The following ARID2 variants were observed in gnomAD, a reference collection of about 807,000 sequenced individuals.
The protein encoded by ARID2 is AT-rich interaction domain 2.
A neutral mutation model predicts 184.6 loss-of-function variants in ARID2; 32 were observed. That is an observed-to-expected ratio of 0.17 (90% confidence interval 0.13 to 0.23). The LOEUF (loss-of-function observed/expected upper bound fraction) is 0.23. ARID2 is among the 10% of genes least tolerant of loss of function. The probability of loss-of-function intolerance (pLI) is 1.00; values close to 1 mark genes in which losing one functional copy is unlikely to be tolerated. For synonymous variants in ARID2, 836 were observed against 772.6 expected, an observed-to-expected ratio of 1.08 and a Z score of -1.36; for missense variants, 1,696 against 2,197.6, an observed-to-expected ratio of 0.77 and a Z score of 4.56.
intron 3 of ARID2, among the ~76,000 whole-genome samples, chr12:45,806,770 A>G (rs1176785410): frequency 6.6e-6 from 1 of 152,158 alleles, no homozygotes; most frequent in East Asian, 1.9e-4. Flanking sequence ...AAGTTATCAC[A>G]TCAGTGTAGG....
intron 15 of ARID2, among the ~76,000 whole-genome samples, chr12:45,855,220 T>C (rs1276500746): frequency 6.6e-6 from 1 of 152,226 alleles, no homozygotes; most frequent in East Asian, 1.9e-4. Context: ...AATGCTAAAA[T>C]GCTTTACTTA....
At chr12:45,746,048 T>C (rs1401361004) in intron 3 of ARID2, among the ~76,000 whole-genome samples, 3 of 152,110 alleles carry the variant, frequency 2.0e-5, no homozygotes, top group Non-Finnish European at 4.4e-5. Context: ...ACATAATTTT[T>C]TAGATGGAGA....
chr12:45,776,834 G>A (rs977489419), intron 3 of ARID2, among the ~76,000 whole-genome samples: 2 of 146,964 alleles, frequency 1.4e-5, no homozygotes, highest in Admixed American at 6.9e-5. Context: ...CCAGGCTAGA[G>A]TACAGCGCCG....
rs773074119 is a variant in ARID2, at chr12:45,836,654, T to C, written c.771T>C (p.His257=). Residue 257 remains histidine (H), a splice_region_variant and synonymous_variant, in exon 7 of 21, where the codon CAT becomes CAC. Transcript: ENST00000334344. The stretch of plus-strand genomic sequence containing the variant: ...TCATTTCTGACAGAAACAAGTCTCA[T>C]GGTAAGTTAGTGAAAGCAAAATTTT... ...RDLISDRNKS[H]EGTSGEWIWE... The C allele has an allele frequency of 3.3e-5, 53 of 1,608,048 alleles. No homozygotes were observed. The highest frequency in any genetic ancestry group is 4.2e-5 in the Non-Finnish European group (49 of 1,178,112).
intron 3 of ARID2, among the ~76,000 whole-genome samples, chr12:45,767,831 A>G (rs187342788): frequency 6.6e-6 from 1 of 152,364 alleles, no homozygotes; most frequent in Admixed American, 6.5e-5. Flanking sequence ...AGAGGAATGC[A>G]GTGAAGGAGA....
chr12:45,860,787 G>A lies in ARID2; in HGVS notation c.4774-14G>A. 6.6e-7 allele frequency: 1 copy of A among 1,509,566 alleles called. No individual in the cohort carries two copies. Among genetic ancestry groups the A allele is most frequent in the Non-Finnish European group, 8.9e-7 (1 of 1,128,062 alleles). The allele number at this position is 1,509,566 out of a possible 1,614,324, so 93.5% of individuals were successfully genotyped here. ...GTGTCATGTCACAAACTCTGCATTT[G>A]TTCTTTTTCACAGAACACTCCTATG... On this transcript the variant is annotated splice_polypyrimidine_tract_variant and intron_variant, in intron 15 of 20. Coordinates refer to ENST00000334344, the MANE Select transcript of ARID2 (RefSeq NM_152641.4).
At chr12:45,756,158 A>G (rs1941567001) in intron 3 of ARID2, among the ~76,000 whole-genome samples, 1 of 152,198 alleles carries the variant, frequency 6.6e-6, no homozygotes, top group African/African-American at 2.4e-5. Flanking sequence ...CTCCTACCTC[A>G]GCCTACCAAA....
At chr12:45,815,621 G>T (rs773268081) in intron 4 of ARID2, among the ~76,000 whole-genome samples, 3 of 151,882 alleles carry the variant, frequency 2.0e-5, no homozygotes, top group Non-Finnish European at 2.9e-5. Flanking sequence ...GTGTGTGTGT[G>T]TTTTTAACTT....
At chr12:45,827,535 A>G (rs1181563604) in intron 6 of ARID2, among the ~76,000 whole-genome samples, 1 of 152,166 alleles carries the variant, frequency 6.6e-6, no homozygotes, top group African/African-American at 2.4e-5. Flanking sequence ...AAAACAGACA[A>G]TAAAAGTAAA....
intron 3 of ARID2, among the ~76,000 whole-genome samples, chr12:45,775,218 G>A (rs1180258276): frequency 1.3e-5 from 2 of 152,184 alleles, no homozygotes; most frequent in Admixed American, 6.5e-5. Context: ...ACTTTAGGAC[G>A]TAAGCTGACA....
chr12:45,854,062 A>G (rs1943602390), intron 15 of ARID2, among the ~76,000 whole-genome samples: 1 of 152,178 alleles, frequency 6.6e-6, no homozygotes, highest in South Asian at 2.1e-4. Flanking sequence ...CAGTGGCAGC[A>G]TTAGATTCTC....
chr12:45,777,586 T>C lies in ARID2; in HGVS notation c.285-33832T>C, dbSNP rs564331372. On this transcript the variant is annotated intron_variant, in intron 3 of 20. Transcript: ENST00000334344. ...ATTTTTCTCCGTGTAAGTCAAATTTTTTATATGCAGGTTATACTACTAAAG... is the reference window on the plus strand; with the variant it reads ...ATTTTTCTCCGTGTAAGTCAAATTTCTTATATGCAGGTTATACTACTAAAG... Among the ~76,000 whole-genome samples the C allele has an allele frequency of 4.3e-4, 66 of 152,062 alleles. 2 individuals carry two copies. The highest frequency in any genetic ancestry group is 4.0e-3 in the Admixed American group (61 of 15,282).
intron 4 of ARID2, among the ~76,000 whole-genome samples, chr12:45,811,984 G>A (rs1234189458): frequency 6.6e-6 from 1 of 151,814 alleles, no homozygotes; most frequent in East Asian, 1.9e-4. Context: ...CATGGTAGCA[G>A]GAAGATTTTT....
chr12:45,817,214 C>T (rs959737504), intron 4 of ARID2, among the ~76,000 whole-genome samples: 5 of 152,020 alleles, frequency 3.3e-5, no homozygotes, highest in Non-Finnish European at 5.9e-5. Flanking sequence ...ATTAGTTGAG[C>T]ATAGTGGAGC....
At chr12:45,763,031 T>C (rs1941708824) in intron 3 of ARID2, among the ~76,000 whole-genome samples, 1 of 152,218 alleles carries the variant, frequency 6.6e-6, no homozygotes, top group Non-Finnish European at 1.5e-5. Context: ...GCTAAGTGTT[T>C]TATGTATGTA....
intron 3 of ARID2, among the ~76,000 whole-genome samples, chr12:45,788,381 TA>T (rs1942234477): frequency 6.6e-6 from 1 of 152,182 alleles, no homozygotes; most frequent in South Asian, 2.1e-4. Flanking sequence ...ATGTAGCTGA[TA>T]AATGGCAGCA....
intron 16 of ARID2, among the ~76,000 whole-genome samples, chr12:45,884,900 G>T (rs1313891253): frequency 6.6e-6 from 1 of 151,984 alleles, no homozygotes; most frequent in Non-Finnish European, 1.5e-5. Flanking sequence ...CTTTTAATCT[G>T]GATTGACGGT....
At chr12:45,884,653 A>T (rs1024000245) in intron 16 of ARID2, among the ~76,000 whole-genome samples, 7 of 152,208 alleles carry the variant, frequency 4.6e-5, no homozygotes, top group African/African-American at 1.7e-4. Flanking sequence ...AAATACAGAA[A>T]TCTTTTCCTG....
At chr12:45,880,500 G>A (rs951492485) in intron 16 of ARID2, among the ~76,000 whole-genome samples, 7 of 152,126 alleles carry the variant, frequency 4.6e-5, no homozygotes, top group Non-Finnish European at 1.0e-4. Flanking sequence ...TACTCCTACT[G>A]TACAAGCCAG....
Sources: gnomAD v4.1 joint callset for allele counts (sites outside exome capture counted in the v4.1 genomes callset) on GRCh38, gnomAD v4.1.1 for gene constraint, MANE v1.5 for transcripts, NCBI Gene and HGNC (gene_info 2026-07-23, HGNC 2026-07-21) for gene names.